ORC5: variants seen among roughly 807,000 people sequenced by gnomAD.
The protein encoded by ORC5 is protein phosphatase 1, regulatory subunit 117.
In ORC5, 39 loss-of-function variants were observed where a neutral mutation model predicts 58.8. The observed-to-expected ratio is 0.66, with a 90% confidence interval of 0.51 to 0.87. The LOEUF (loss-of-function observed/expected upper bound fraction) is 0.87. Among genes scored for constraint, ORC5 ranks in the 40% least tolerant of loss-of-function variants. ORC5 has a pLI of 0.00. For synonymous variants in ORC5, 218 were observed against 177.6 expected, an observed-to-expected ratio of 1.23 and a Z score of -1.81; for missense variants, 493 against 506.3, an observed-to-expected ratio of 0.97 and a Z score of 0.25.
At chr7:104,186,705 A>T (rs1162030056) in intron 6 of ORC5, among the ~76,000 whole-genome samples, 2 of 152,080 alleles carry the variant, frequency 1.3e-5, no homozygotes, top group Admixed American at 1.3e-4. Flanking sequence ...AAACACAAAC[A>T]ACACTATCTG....
chr7:104,153,713 T>G (rs2115821578), intron 12 of ORC5, among the ~76,000 whole-genome samples: 1 of 152,274 alleles, frequency 6.6e-6, no homozygotes, highest in East Asian at 1.9e-4. Context: ...TAAGGAAAAC[T>G]GTCCCTTTTA....
intron 8 of ORC5, among the ~76,000 whole-genome samples, chr7:104,176,028 C>T (rs1456733204): frequency 6.6e-6 from 1 of 152,222 alleles, no homozygotes; most frequent in East Asian, 1.9e-4. Context: ...TGTTGGTACA[C>T]AGTCTTCATA....
intron 12 of ORC5, among the ~76,000 whole-genome samples, chr7:104,154,201 G>C (rs143194597): frequency 2.3e-4 from 35 of 152,070 alleles, no homozygotes; most frequent in African/African-American, 8.2e-4. Context: ...TCCAAGTCTT[G>C]AGATTGTCTG....
chr7:104,163,619 T>A (rs762781575), intron 11 of ORC5, among the ~76,000 whole-genome samples: 3 of 152,178 alleles, frequency 2.0e-5, no homozygotes, highest in Admixed American at 2.0e-4. Context: ...CCCAGGCAGC[T>A]GGGACTACAG....
rs190278412 is a variant in ORC5, at chr7:104,153,288, T to C, written c.1149+7784A>G. ...GAGTGGTCTGATGGCAGAACAGTAA[T>C]ATGTCCACACCAGGGGTAGTAGGAG... is the stretch of plus-strand genomic sequence containing the variant. On this transcript the variant is annotated intron_variant, in intron 12 of 13. Coordinates refer to ENST00000297431, the MANE Select transcript of ORC5 (RefSeq NM_002553.4). Among the ~76,000 whole-genome samples, 180 of 152,252 alleles carry C rather than the reference T, an allele frequency of 1.2e-3. 2 individuals are homozygous for C. Among genetic ancestry groups the C allele is most frequent in the Non-Finnish European group, 3.2e-4 (22 of 68,012 alleles).
At chr7:104,164,112 T>G (rs557902292) in intron 11 of ORC5, among the ~76,000 whole-genome samples, 1 of 152,330 alleles carries the variant, frequency 6.6e-6, no homozygotes, top group Non-Finnish European at 1.5e-5. Context: ...TGGTTTGTAA[T>G]GAGTCTTTAA....
intron 2 of ORC5, among the ~76,000 whole-genome samples, chr7:104,201,987 GGCTGAGGTGGAAGTATCACTTGA>G (rs976343515): frequency 3.9e-5 from 6 of 152,118 alleles, no homozygotes; most frequent in Admixed American, 2.6e-4. Flanking sequence ...CTACTTGGGA[GGCTGAGGTGGAAGTATCACTTGA>G]GCCCAGGAAT....
At chr7:104,145,301 T>C (rs1373458242) in intron 12 of ORC5, among the ~76,000 whole-genome samples, 1 of 152,172 alleles carries the variant, frequency 6.6e-6, no homozygotes, top group Non-Finnish European at 1.5e-5. Context: ...TACACAACAG[T>C]CATTCCTGTT....
chr7:104,184,414 C>G (rs1372800900), intron 6 of ORC5: 1 of 433,586 alleles, frequency 2.3e-6, no homozygotes, highest in Non-Finnish European at 4.1e-6. Context: ...CACCTGTGAA[C>G]AGCCACTGCA....
At chr7:104,141,304 G>A (rs1798669179) in intron 12 of ORC5, among the ~76,000 whole-genome samples, 1 of 152,116 alleles carries the variant, frequency 6.6e-6, no homozygotes, top group African/African-American at 2.4e-5. Flanking sequence ...CGTAGAGGTG[G>A]AGCTGCCTGG....
chr7:104,200,745 T>C lies in ORC5; in HGVS notation c.366+13A>G, dbSNP rs763353417. On this transcript the variant is annotated intron_variant, in intron 3 of 13. Transcript: ENST00000297431. ...CAAGATAAGAGATGATCTAATCAAA[T>C]GAAATTACTTACAATATATACAGTC... The C allele has an allele frequency of 1.2e-5, 18 of 1,460,582 alleles. No individual in the cohort carries two copies. Among genetic ancestry groups the C allele is most frequent in the Non-Finnish European group, 1.7e-5 (18 of 1,047,306 alleles). 90.5% of individuals were successfully genotyped at this position (1,460,582 alleles called of 1,614,324 possible).
intron 6 of ORC5, 194 bp downstream of exon 6, chr7:104,188,057 C>T: frequency 1.0e-6 from 1 of 1,001,970 alleles, no homozygotes; most frequent in Non-Finnish European, 1.3e-6. Context: ...TGTACTAACC[C>T]ACAGACATCT....
At chr7:104,148,613 T>C (rs1383142811) in intron 12 of ORC5, among the ~76,000 whole-genome samples, 2 of 152,188 alleles carry the variant, frequency 1.3e-5, no homozygotes, top group Non-Finnish European at 2.9e-5. Context: ...GTTAGATGTA[T>C]GAGTTTGATG....
chr7:104,133,459 C>T lies in ORC5; in HGVS notation c.1262+3322G>A, dbSNP rs1798544463. Among the ~76,000 whole-genome samples the T allele has an allele frequency of 6.6e-6, 1 of 151,982 alleles. No individual in the cohort carries two copies. Among genetic ancestry groups the T allele is most frequent in the Non-Finnish European group, 1.5e-5 (1 of 68,020 alleles). ...ACACAGCAGACTGCAGTGCTTATCA[C>T]TGAAATAAGAAACACTGGAGGAAAG... On this transcript the variant is annotated intron_variant, in intron 13 of 13. Transcript: ENST00000297431. This position sits in a 1 kb window ranked among gnomAD's most constrained non-coding sequence, Gnocchi z 4.7.
chr7:104,161,680 C>T, intron 11 of ORC5, among the ~76,000 whole-genome samples: 1 of 151,726 alleles, frequency 6.6e-6, no homozygotes, highest in Non-Finnish European at 1.5e-5. Flanking sequence ...AGCCATGAGC[C>T]ACCATACCCA....
Position 104,195,268 on chromosome 7 carries a change from G to T in ORC5, c.442-14C>A, listed in dbSNP as rs1434075796. 6.2e-6 allele frequency: 9 copies of T among 1,440,834 alleles called. No individual in the cohort carries two copies. Among genetic ancestry groups the T allele is most frequent in the African/African-American group, 3.0e-5 (2 of 67,784 alleles). The allele number at this position is 1,440,834 out of a possible 1,614,324, so 89.3% of individuals were successfully genotyped here. On this transcript the variant is annotated splice_polypyrimidine_tract_variant and intron_variant, in intron 4 of 13. Coordinates refer to ENST00000297431, the MANE Select transcript of ORC5 (RefSeq NM_002553.4). The stretch of plus-strand genomic sequence containing the variant: ...ATTTCTGTCAGCCTGTAAAAAGAAA[G>T]AAATAAAAGTAACTTCGCATTTAAA...
At chr7:104,200,508 C>T (rs1292668472) in intron 3 of ORC5, among the ~76,000 whole-genome samples, 2 of 152,198 alleles carry the variant, frequency 1.3e-5, no homozygotes, top group African/African-American at 2.4e-5. Context: ...TGGACACACA[C>T]AGTCAATATT....
Position 104,161,180 on chromosome 7 carries a change from T to C in ORC5, c.1041A>G (p.Thr347=). Residue 347 remains threonine, a splice_region_variant and synonymous_variant, in exon 12 of 14, where the codon ACA becomes ACG. Transcript: ENST00000297431. The part of the protein sequence containing the change: ...KTNFLKKHEK[T]SNHLLGPKPF... ...GTTTTGGCCCAAGGAGATGATTGCTTGTCTGTAAAAAACAAAACAAAAACA... is the reference window on the plus strand; with the variant it reads ...GTTTTGGCCCAAGGAGATGATTGCTCGTCTGTAAAAAACAAAACAAAAACA... 3.2e-6 allele frequency: 5 copies of C among 1,561,914 alleles called. No individual in the cohort carries two copies. Among genetic ancestry groups the C allele is most frequent in the Non-Finnish European group, 4.4e-6 (5 of 1,133,848 alleles).
chr7:104,166,831 T>A lies in ORC5; in HGVS notation c.931A>T (p.Ile311Phe), dbSNP rs745453614. Reference sequence around the variant, plus strand: ...TTGTATGAAGCAAGGTATGCAGCAATTAGAATGAACTTAGAGTAATATGGA... The same window carrying A: ...TTGTATGAAGCAAGGTATGCAGCAAATAGAATGAACTTAGAGTAATATGGA... ...ELPYYSKFIL[I>F]AAYLASYNPA... Residue 311 changes from isoleucine to phenylalanine, a missense_variant, in exon 10 of 14, where the codon ATT becomes TTT. Coordinates refer to ENST00000297431, the MANE Select transcript of ORC5 (RefSeq NM_002553.4). The A allele has an allele frequency of 1.2e-6, 2 of 1,613,206 alleles. No homozygotes were observed. The highest frequency in any genetic ancestry group is 1.7e-6 in the Non-Finnish European group (2 of 1,179,334).
Sources: gnomAD v4.1 joint callset for allele counts (sites outside exome capture counted in the v4.1 genomes callset) on GRCh38, gnomAD v4.1.1 for gene constraint, Gnocchi (gnomAD v3.1) non-coding constraint, MANE v1.5 for transcripts, NCBI Gene and HGNC (gene_info 2026-07-23, HGNC 2026-07-21) for gene names.